Variants in TENM3 observed in about 807,000 individuals in gnomAD.
TENM3 encodes the protein teneurin-3.
TENM3 carries 63 observed loss-of-function variants against 255.1 expected under a neutral mutation model. The ratio of observed to expected loss-of-function variants is 0.25; its 90% confidence interval spans 0.20 to 0.30. The LOEUF (loss-of-function observed/expected upper bound fraction) is 0.30. Ranked by LOEUF, TENM3 falls within the 10% of genes least tolerant of loss-of-function variation. The pLI is 1.00. For missense variants in TENM3, 2,929 were observed against 3,461.1 expected, an observed-to-expected ratio of 0.85 and a Z score of 3.86; for synonymous variants, 1,306 against 1,322.3, an observed-to-expected ratio of 0.99 and a Z score of 0.27.
chr4:182,173,585 C>T (rs1174643108), intron 1 of TENM3, among the ~76,000 whole-genome samples: 1 of 151,976 alleles, frequency 6.6e-6, no homozygotes, highest in African/African-American at 2.4e-5. Flanking sequence ...TCCTATGTGG[C>T]CAGGAAGTTT....
chr4:181,864,512 A>T, the TENM3 span, among the ~76,000 whole-genome samples: 1 of 152,208 alleles, frequency 6.6e-6, no homozygotes, highest in Non-Finnish European at 1.5e-5. Flanking sequence ...TATCATCTGA[A>T]TAATGATCTA....
chr4:182,538,825 G>A (rs1411429469), intron 3 of TENM3, among the ~76,000 whole-genome samples: 1 of 152,024 alleles, frequency 6.6e-6, no homozygotes, highest in Non-Finnish European at 1.5e-5. Flanking sequence ...TGCAGGAAAG[G>A]ATGGCTGGTG....
chr4:181,728,108 T>C, the TENM3 span, among the ~76,000 whole-genome samples: 2 of 152,196 alleles, frequency 1.3e-5, no homozygotes, highest in Non-Finnish European at 2.9e-5. Context: ...TTTTAAAACT[T>C]TTATCAAAAA....
At position 182,282,765 on chromosome 4, in the gene TENM3, C is replaced by T. The variant is rs751212983; in HGVS notation, c.-76+39289C>T. Among the ~76,000 whole-genome samples, 32 of 151,956 alleles carry T rather than the reference C, an allele frequency of 2.1e-4. 1 individual carries two copies. Among genetic ancestry groups the T allele is most frequent in the Admixed American group, 4.6e-4 (7 of 15,256 alleles). ...AAAACTAGCTGGATGTGGTGGCACGCGCCTGTAATCCCAGCTACTTGGGAG... is the reference window on the plus strand; with the variant it reads ...AAAACTAGCTGGATGTGGTGGCACGTGCCTGTAATCCCAGCTACTTGGGAG... On this transcript the variant is annotated intron_variant, in intron 1 of 27. Coordinates refer to ENST00000511685, the MANE Select transcript of TENM3 (RefSeq NM_001080477.4).
the TENM3 span, among the ~76,000 whole-genome samples, chr4:181,846,454 C>T: frequency 6.6e-6 from 1 of 151,978 alleles, no homozygotes; most frequent in East Asian, 1.9e-4. Flanking sequence ...TGACATAAAT[C>T]TAATTTTCCT....
intron 3 of TENM3, among the ~76,000 whole-genome samples, chr4:182,551,219 T>TAA (rs34487025): frequency 1.4e-3 from 160 of 112,218 alleles, no homozygotes; most frequent in African/African-American, 4.6e-3. Flanking sequence ...AGACTCCATC[T>TAA]AAAAAAAAAA....
intron 3 of TENM3, among the ~76,000 whole-genome samples, chr4:182,548,399 G>A (rs903990453): frequency 7.9e-5 from 12 of 152,000 alleles, no homozygotes; most frequent in African/African-American, 1.5e-4. Flanking sequence ...CTTGAAGAAC[G>A]TCCATACATA....
At chr4:182,260,744 G>A (rs762665402) in intron 1 of TENM3, among the ~76,000 whole-genome samples, 2 of 151,988 alleles carry the variant, frequency 1.3e-5, no homozygotes, top group Non-Finnish European at 2.9e-5. Flanking sequence ...CTACAATGTA[G>A]AAAATCAAAT....
chr4:182,078,907 T>C, the TENM3 span, among the ~76,000 whole-genome samples: 1 of 152,162 alleles, frequency 6.6e-6, no homozygotes, highest in Admixed American at 6.5e-5. Context: ...AGTTTACATA[T>C]TCAGGTGCCC....
intron 3 of TENM3, among the ~76,000 whole-genome samples, chr4:182,570,679 A>G (rs1446958590): frequency 6.6e-6 from 1 of 152,106 alleles, no homozygotes; most frequent in East Asian, 1.9e-4. Context: ...CTAAAAATAC[A>G]AAAAATTAGC....
rs1378123122 is a variant in TENM3, at chr4:182,640,047, G to A, written c.988+11158G>A. Among the ~76,000 whole-genome samples, 4 of 152,172 alleles carry A rather than the reference G, an allele frequency of 2.6e-5. No homozygotes were observed. The East Asian group carries it at 7.7e-4, about 29-fold the overall frequency. On this transcript the variant is annotated intron_variant, in intron 5 of 27. Transcript: ENST00000511685. ...GGAGGTTGCGGTGAGCTGAGATCGT[G>A]CCACTGCACTCTAGCCTGGCAATAG...
At chr4:182,245,583 G>C (rs1464270377) in intron 1 of TENM3, among the ~76,000 whole-genome samples, 1 of 152,122 alleles carries the variant, frequency 6.6e-6, no homozygotes, top group African/African-American at 2.4e-5. Context: ...TGGTCTGTTT[G>C]AACTGAGGCA....
the TENM3 span, among the ~76,000 whole-genome samples, chr4:181,936,023 C>T: frequency 3.0e-4 from 46 of 152,210 alleles, 1 homozygote; most frequent in South Asian, 7.0e-3. Flanking sequence ...ATAGGTACTC[C>T]GTTCATATTT....
At chr4:182,443,668 C>G in intron 3 of TENM3, among the ~76,000 whole-genome samples, 1 of 152,112 alleles carries the variant, frequency 6.6e-6, no homozygotes, top group Admixed American at 6.5e-5. Context: ...CTCACTAAGC[C>G]TTTCGTATAC....
chr4:182,289,379 T>C (rs907281994), intron 1 of TENM3, among the ~76,000 whole-genome samples: 1 of 152,232 alleles, frequency 6.6e-6, no homozygotes, highest in Non-Finnish European at 1.5e-5. Context: ...CATCGCCCCC[T>C]CTGCTGGGTG....
In TENM3 at chr4:182,663,339, T is replaced by G. The variant is rs192967702; in HGVS notation, c.1111+9446T>G. Among the ~76,000 whole-genome samples the G allele has an allele frequency of 2.0e-4, 31 of 151,492 alleles. No individual in the cohort carries two copies. The East Asian group carries it at 6.0e-3, about 29-fold the overall frequency. Reference sequence around the variant, plus strand: ...AGATCATACGTTTTAAAAAACCTGTTTTCTTCTATATTAAATTATACTTAC... The same window carrying G: ...AGATCATACGTTTTAAAAAACCTGTGTTCTTCTATATTAAATTATACTTAC... On this transcript the variant is annotated intron_variant, in intron 6 of 27. Transcript: ENST00000511685.
the TENM3 span, among the ~76,000 whole-genome samples, chr4:181,567,731 A>G: frequency 3.9e-5 from 6 of 152,178 alleles, no homozygotes; most frequent in African/African-American, 4.8e-5. Context: ...TCTTTTATAG[A>G]GTAAAAGGAA....
At position 182,783,459 on chromosome 4, in the gene TENM3, C is replaced by T. The variant is rs1765348791; in HGVS notation, c.5305-5634C>T. On this transcript the variant is annotated intron_variant, in intron 24 of 27. Transcript: ENST00000511685. ...CTGATGGGCTTCCCTTTGAGGGTAA[C>T]TCGACCTTTCTCTCTGGCTGCCCTT... Among the ~76,000 whole-genome samples, 4 of 152,304 alleles carry T rather than the reference C, an allele frequency of 2.6e-5. No homozygotes were observed. In the South Asian group the frequency reaches 8.3e-4, roughly 32 times the overall value.
the TENM3 span, among the ~76,000 whole-genome samples, chr4:181,467,125 A>ATTTTTTTTTTTTTTTTTT: frequency 5.7e-4 from 10 of 17,600 alleles, no homozygotes; most frequent in Middle Eastern, 0.045. Flanking sequence ...ATATATATAT[A>ATTTTTTTTTTTTTTTTTT]TTTTTTTTTT....
Sources: allele counts gnomAD v4.1 joint callset (sites outside exome capture counted in the v4.1 genomes callset), GRCh38; gene constraint gnomAD v4.1.1; transcripts MANE v1.5; gene names NCBI Gene and HGNC (gene_info 2026-07-23, HGNC 2026-07-21).